The following ARK2C variants were observed in gnomAD, a reference collection of about 807,000 sequenced individuals.
The protein encoded by ARK2C is arkadia (RNF111) C-terminal like ring finger ubiquitin ligase 2C.
At chr18:46,408,030 G>A in the ARK2C span, among the ~76,000 whole-genome samples, 2 of 152,210 alleles carry the variant, frequency 1.3e-5, no homozygotes, top group Non-Finnish European at 2.9e-5. Flanking sequence ...CATGGATGGG[G>A]TGGCAGGGAT....
the ARK2C span, among the ~76,000 whole-genome samples, chr18:46,392,664 C>T: frequency 6.6e-6 from 1 of 152,160 alleles, no homozygotes; most frequent in South Asian, 2.1e-4. Flanking sequence ...GACACTGGGC[C>T]AGCCTCGGGC....
At chr18:46,435,003 G>C in the ARK2C span, among the ~76,000 whole-genome samples, 3 of 152,142 alleles carry the variant, frequency 2.0e-5, no homozygotes, top group Non-Finnish European at 2.9e-5. Context: ...AGAGAGTGTG[G>C]GTGGAGCCAG....
chr18:46,416,299 G>A, the ARK2C span, among the ~76,000 whole-genome samples: 4 of 152,178 alleles, frequency 2.6e-5, no homozygotes, highest in African/African-American at 9.7e-5. Context: ...GGCTTTGTGA[G>A]GAGAAGGGTG....
the ARK2C span, among the ~76,000 whole-genome samples, chr18:46,446,841 C>A: frequency 6.6e-6 from 1 of 152,062 alleles, no homozygotes; most frequent in Admixed American, 6.5e-5. Flanking sequence ...TGTCAACCTG[C>A]ACATTGTCCT....
At chr18:46,441,056 G>A in the ARK2C span, among the ~76,000 whole-genome samples, 1 of 152,102 alleles carries the variant, frequency 6.6e-6, no homozygotes, top group Non-Finnish European at 1.5e-5. Flanking sequence ...GTGCACCTTG[G>A]CTCACTGCAG....
At chr18:46,336,072 G>A in the ARK2C span, 3 of 985,328 alleles carry the variant, frequency 3.0e-6, no homozygotes, top group Non-Finnish European at 3.6e-6. Flanking sequence ...GGTGTGTGAG[G>A]AAGAAAGAGG....
the ARK2C span, among the ~76,000 whole-genome samples, chr18:46,375,075 C>G: frequency 2.6e-5 from 4 of 152,166 alleles, no homozygotes; most frequent in Admixed American, 6.5e-5. Context: ...TGGGGTTTCT[C>G]CCCACAAACC....
At chr18:46,370,751 C>T in the ARK2C span, among the ~76,000 whole-genome samples, 1 of 152,168 alleles carries the variant, frequency 6.6e-6, no homozygotes, top group African/African-American at 2.4e-5. Flanking sequence ...ACCCAATGGA[C>T]AGTTGGGTTG....
chr18:46,394,212 G>A, the ARK2C span, among the ~76,000 whole-genome samples: 1 of 152,316 alleles, frequency 6.6e-6, no homozygotes, highest in Admixed American at 6.5e-5. Context: ...GGGCCTGAAG[G>A]GACAAGGTGC....
At chr18:46,341,912 A>G in the ARK2C span, among the ~76,000 whole-genome samples, 1 of 152,280 alleles carries the variant, frequency 6.6e-6, no homozygotes, top group Admixed American at 6.5e-5. Flanking sequence ...TGCCTCCACT[A>G]CTTTGCAAAA....
At chr18:46,416,862 C>A in the ARK2C span, among the ~76,000 whole-genome samples, 333 of 152,342 alleles carry the variant, frequency 2.2e-3, 1 homozygote, top group Admixed American at 3.9e-3. Context: ...TCAGAATTGG[C>A]ATGATGTCAC....
At chr18:46,344,113 G>A in the ARK2C span, among the ~76,000 whole-genome samples, 1 of 152,202 alleles carries the variant, frequency 6.6e-6, no homozygotes, top group Admixed American at 6.5e-5. Context: ...CTCCCCTGAC[G>A]ACACTGTATC....
chr18:46,450,827 T>A, the ARK2C span: 2 of 1,552,152 alleles, frequency 1.3e-6, no homozygotes, highest in South Asian at 2.2e-5. Context: ...CCAGCCTGCA[T>A]AGTCAGGGAA....
chr18:46,456,692 T>C, the ARK2C span: 2 of 1,272,226 alleles, frequency 1.6e-6, no homozygotes, highest in East Asian at 4.6e-5. Flanking sequence ...CCCACGGCCA[T>C]AGCCCTTGCA....
the ARK2C span, among the ~76,000 whole-genome samples, chr18:46,422,208 A>G: frequency 6.6e-6 from 1 of 152,174 alleles, no homozygotes; most frequent in East Asian, 1.9e-4. Context: ...TAGTTAGCTT[A>G]TGTAGTGTAC....
At chr18:46,395,969 C>A in the ARK2C span, among the ~76,000 whole-genome samples, 2 of 152,218 alleles carry the variant, frequency 1.3e-5, no homozygotes, top group East Asian at 3.8e-4. Context: ...CTTGGCTGGG[C>A]TCTGTCACAT....
At chr18:46,337,180 G>C in the ARK2C span, 3 of 985,122 alleles carry the variant, frequency 3.0e-6, no homozygotes, top group Non-Finnish European at 3.6e-6. Flanking sequence ...GTCCCAAATA[G>C]CCTCCCCAGA....
chr18:46,402,667 A>T, the ARK2C span, among the ~76,000 whole-genome samples: 1 of 152,072 alleles, frequency 6.6e-6, no homozygotes, highest in East Asian at 1.9e-4. Context: ...ATGCCTGGAT[A>T]ATTTTTTATT....
At chr18:46,386,935 C>T in the ARK2C span, 1 of 152,358 alleles carries the variant, frequency 6.6e-6, no homozygotes, top group Admixed American at 6.5e-5. Flanking sequence ...GGAGCAGCTA[C>T]TCCTTTTGGC....
Sources: allele counts gnomAD v4.1 joint callset (sites outside exome capture counted in the v4.1 genomes callset), GRCh38; gene constraint gnomAD v4.1.1; transcripts MANE v1.5; gene names NCBI Gene and HGNC (gene_info 2026-07-23, HGNC 2026-07-21).